Variants in UBAC1 observed in about 807,000 individuals in gnomAD.
UBAC1 encodes UBA domain containing 1, also known as ubiquitin-associated domain-containing protein 1.
In UBAC1, 27 loss-of-function variants were observed where a neutral mutation model predicts 45.9. That is an observed-to-expected ratio of 0.59 (90% CI 0.43 to 0.81). The LOEUF is 0.81. Ranked by LOEUF, UBAC1 falls within the 30% of genes least tolerant of loss-of-function variation. The pLI is 0.00. For synonymous variants in UBAC1, 227 were observed against 215.5 expected (o/e 1.05, Z -0.47); for missense variants, 529 against 539.2 (o/e 0.98, Z 0.19).
In UBAC1 at chr9:135,933,342, G is replaced by A. The variant is rs992383224; in HGVS notation, c.*58C>T. 41 of 1,469,754 alleles carry A rather than the reference G, an allele frequency of 2.8e-5. No homozygotes were observed. The highest frequency in any genetic ancestry group is 1.7e-4 in the Middle Eastern group (1 of 5,792). 91.0% of individuals were successfully genotyped at this position (1,469,754 alleles called of 1,614,324 possible). A position where few individuals can be genotyped will look rare whatever the true frequency, so the allele number is the denominator to read the frequency against. On this transcript the variant is annotated 3_prime_UTR_variant, in exon 10 of 10. Transcript: ENST00000371756. ...TTTCCAGGTGAGGTCCACTCTGCCC[G>A]GTCTCGGGCCGCACCAGGGGGCTGC...
intron 2 of UBAC1, among the ~76,000 whole-genome samples, chr9:135,954,770 T>C (rs1839446295): frequency 6.6e-6 from 1 of 152,240 alleles, no homozygotes; most frequent in Non-Finnish European, 1.5e-5. Flanking sequence ...CCCACTGGCT[T>C]GGAGCTTGAT....
chr9:135,959,438 G>A (rs1194443552), intron 1 of UBAC1, among the ~76,000 whole-genome samples: 5 of 141,558 alleles, frequency 3.5e-5, no homozygotes, highest in Admixed American at 7.6e-5. Flanking sequence ...GCAGTGGCGC[G>A]ATCTCATCTC....
chr9:135,953,593 C>T, intron 3 of UBAC1, 87 bp downstream of exon 3: 2 of 1,108,702 alleles, frequency 1.8e-6, no homozygotes, highest in East Asian at 3.1e-5. Flanking sequence ...GCTGGGATTA[C>T]AGGCGCGAGC....
At chr9:135,942,640 G>A in intron 7 of UBAC1, among the ~76,000 whole-genome samples, 1 of 134,000 alleles carries the variant, frequency 7.5e-6, no homozygotes, top group African/African-American at 2.8e-5. Context: ...GTGACAGAGT[G>A]AAACTGTCTC....
intron 9 of UBAC1, among the ~76,000 whole-genome samples, chr9:135,934,716 C>T (rs184808306): frequency 2.0e-5 from 3 of 152,204 alleles, no homozygotes; most frequent in East Asian, 3.9e-4. Flanking sequence ...CTATAAGGTG[C>T]GAAACAGCTG....
intron 1 of UBAC1, among the ~76,000 whole-genome samples, chr9:135,956,667 C>G (rs1839470362): frequency 6.6e-6 from 1 of 152,168 alleles, no homozygotes; most frequent in Non-Finnish European, 1.5e-5. Context: ...TGGCGCCTCC[C>G]CAGCCGGAAT....
chr9:135,957,772 CTTTT>C (rs56142900), intron 1 of UBAC1, among the ~76,000 whole-genome samples: 5 of 135,646 alleles, frequency 3.7e-5, no homozygotes, highest in Non-Finnish European at 1.6e-5. Flanking sequence ...TGAACTCCTT[CTTTT>C]TTTTTTTTTT....
At chr9:135,944,047 CGTGCAGCAAACCA>C (rs1564196138) in intron 7 of UBAC1, among the ~76,000 whole-genome samples, 1 of 152,158 alleles carries the variant, frequency 6.6e-6, no homozygotes, top group African/African-American at 2.4e-5. Flanking sequence ...TGGGCTGACA[CGTGCAGCAAACCA>C]CCATGGCACA....
intron 3 of UBAC1, among the ~76,000 whole-genome samples, chr9:135,948,824 C>G (rs1398410140): frequency 6.6e-6 from 1 of 152,212 alleles, no homozygotes. Flanking sequence ...AATCCCAGCA[C>G]TTTGGGAGGC....
At chr9:135,957,546 T>C (rs1839482215) in intron 1 of UBAC1, among the ~76,000 whole-genome samples, 1 of 151,840 alleles carries the variant, frequency 6.6e-6, no homozygotes, top group Non-Finnish European at 1.5e-5. Flanking sequence ...GAAGCTGGGG[T>C]ATGGCAGCAA....
rs377028883 is a variant in UBAC1 at position 135,946,776 on chromosome 9, G to C, written c.442-405C>G. On this transcript the variant is annotated intron_variant, in intron 4 of 9. Transcript: ENST00000371756. The stretch of plus-strand genomic sequence containing the variant: ...CCAGTGGAGGCATGGCTGCCACACA[G>C]CGTCTGCGGCGGCCATCACTGTCCT... Among the ~76,000 whole-genome samples, 528 of 152,364 alleles carry C rather than the reference G, an allele frequency of 3.5e-3. 2 individuals are homozygous for C. The highest frequency in any genetic ancestry group is 5.9e-3 in the Non-Finnish European group (403 of 68,034).
intron 9 of UBAC1, among the ~76,000 whole-genome samples, chr9:135,937,894 C>G (rs1839218229): frequency 6.6e-6 from 1 of 152,240 alleles, no homozygotes; most frequent in Admixed American, 6.5e-5. Context: ...CAAACCACAC[C>G]TTGTCCTCCC....
At chr9:135,949,986 C>A (rs1010915608) in intron 3 of UBAC1, among the ~76,000 whole-genome samples, 1 of 152,156 alleles carries the variant, frequency 6.6e-6, no homozygotes, top group Non-Finnish European at 1.5e-5. Flanking sequence ...GAATGCAGGC[C>A]GCGCCCAGGC....
intron 7 of UBAC1, among the ~76,000 whole-genome samples, chr9:135,940,065 C>T (rs955785187): frequency 1.3e-5 from 2 of 152,132 alleles, no homozygotes; most frequent in African/African-American, 4.8e-5. Context: ...TATGTGGACA[C>T]GAGGCAGTCA....
chr9:135,947,911 C>A lies in UBAC1; in HGVS notation c.334-6G>T, dbSNP rs1210037025. 1.2e-6 allele frequency: 2 copies of A among 1,612,576 alleles called. No homozygotes were observed. Among genetic ancestry groups the A allele is most frequent in the African/African-American group, 2.7e-5 (2 of 74,858 alleles). On this transcript the variant is annotated splice_polypyrimidine_tract_variant and splice_region_variant and intron_variant, in intron 3 of 9. Coordinates refer to ENST00000371756, the MANE Select transcript of UBAC1 (RefSeq NM_016172.3). ...GCTTTCTGGTCTTGTTTTTTCTACA[C>A]AGAAACGTAATCAGAAAGTCTGAGG... is the stretch of plus-strand genomic sequence containing the variant.
intron 8 of UBAC1, 119 bp from the exon 9 acceptor site, chr9:135,938,479 G>A: frequency 7.6e-7 from 1 of 1,321,954 alleles, no homozygotes; most frequent in Non-Finnish European, 1.0e-6. Context: ...AGCCCCCAGG[G>A]CTGATCTCCC....
At chr9:135,946,157 C>T (rs1453822829) in intron 5 of UBAC1, 112 bp downstream of exon 5, 6 of 1,027,618 alleles carry the variant, frequency 5.8e-6, no homozygotes, top group Admixed American at 1.9e-5. Flanking sequence ...CCCTCATCAG[C>T]GCTTCCATAA....
chr9:135,933,860 GAGA>G (rs1158755310), intron 9 of UBAC1, among the ~76,000 whole-genome samples: 3 of 152,044 alleles, frequency 2.0e-5, no homozygotes, highest in African/African-American at 7.2e-5. Context: ...ATCCCACCCC[GAGA>G]AGGTCAGCAG....
At chr9:135,958,377 C>G (rs751971761) in intron 1 of UBAC1, among the ~76,000 whole-genome samples, 3 of 152,174 alleles carry the variant, frequency 2.0e-5, no homozygotes, top group Non-Finnish European at 4.4e-5. Context: ...CATTAACTAC[C>G]TGTTGTACAA....
Sources: allele counts gnomAD v4.1 joint callset (sites outside exome capture counted in the v4.1 genomes callset), GRCh38; gene constraint gnomAD v4.1.1; transcripts MANE v1.5; gene names NCBI Gene and HGNC (gene_info 2026-07-23, HGNC 2026-07-21).